Variants in BEND3 observed in about 807,000 individuals in gnomAD.
The protein encoded by BEND3 is BEN domain containing 3.
A neutral mutation model predicts 60.1 loss-of-function variants in BEND3; 13 were observed. The ratio of observed to expected loss-of-function variants is 0.22; its 90% CI spans 0.14 to 0.34. The LOEUF (loss-of-function observed/expected upper bound fraction) is 0.34, where lower values mean the gene tolerates loss of function less well. BEND3 is among the 10% of genes least tolerant of loss of function. The pLI, the probability that BEND3 is intolerant of heterozygous loss-of-function variation, is 1.00. For synonymous variants in BEND3, 497 were observed against 491.5 expected (o/e 1.01, Z -0.15); for missense variants, 896 against 1,138.1 (o/e 0.79, Z 3.06).
At chr6:107,090,319 A>G (rs1415401639) in intron 3 of BEND3, among the ~76,000 whole-genome samples, 1 of 152,038 alleles carries the variant, frequency 6.6e-6, no homozygotes, top group Admixed American at 6.6e-5. Context: ...ACTGCACTCC[A>G]GCCTGGACGA....
intron 1 of BEND3, among the ~76,000 whole-genome samples, chr6:107,106,936 CTT>C (rs35443143): frequency 0.03 from 3,826 of 128,452 alleles, 123 homozygotes; most frequent in African/African-American, 0.1. Flanking sequence ...TCAAAGAGGG[CTT>C]TTTTTTTTTT....
In BEND3 at chr6:107,067,434, G is replaced by A. The variant is rs1774856714; in HGVS notation, c.*1270C>T. 6.6e-6 allele frequency: 1 copy of A among 152,238 alleles called. No homozygotes were observed. The highest frequency in any genetic ancestry group is 1.5e-5 in the Non-Finnish European group (1 of 68,066). The allele number at this position is 152,238 out of a possible 1,614,324, so 9.4% of individuals were successfully genotyped here. ...TGGTGCTCCTGGAGAGCATGCAGCTGGCCTGCAGGAGCCTGACATTCCCAG... is the reference window on the plus strand; with the variant it reads ...TGGTGCTCCTGGAGAGCATGCAGCTAGCCTGCAGGAGCCTGACATTCCCAG... On this transcript the variant is annotated 3_prime_UTR_variant, in exon 4 of 4. Transcript: ENST00000369042.
rs553375060 is a variant in BEND3 at position 107,087,835 on chromosome 6, T to C, written c.240+10716A>G. Among the ~76,000 whole-genome samples the C allele has an allele frequency of 7.3e-5, 11 of 150,422 alleles. No homozygotes were observed. In the East Asian group the frequency reaches 1.4e-3, roughly 19 times the overall value. Reference sequence around the variant, plus strand: ...TTTTTAGAGACAGGGTCTTGCTATGTTGTCCAAGCTGGTCTTAAACTCTGG... The same window carrying C: ...TTTTTAGAGACAGGGTCTTGCTATGCTGTCCAAGCTGGTCTTAAACTCTGG... On this transcript the variant is annotated intron_variant, in intron 3 of 3. Transcript: ENST00000369042.
rs1774859462 is a variant in BEND3 at position 107,067,560 on chromosome 6, C to G, written c.*1144G>C. 6.6e-6 allele frequency: 1 copy of G among 152,148 alleles called. No individual in the cohort carries two copies. The allele number at this position is 152,148 out of a possible 1,614,324, so 9.4% of individuals were successfully genotyped here. The stretch of plus-strand genomic sequence containing the variant: ...TCCAAGAGGAAAGTTCTGAGTGGAC[C>G]CTGGGAAGGGACATGTGTACCCCAT... On this transcript the variant is annotated 3_prime_UTR_variant, in exon 4 of 4. Coordinates refer to ENST00000369042, the MANE Select transcript of BEND3 (RefSeq NM_001367314.1).
Position 107,065,879 on chromosome 6 carries a change from AC to A in BEND3, c.*2824del. 6.6e-6 allele frequency: 1 copy of A among 152,368 alleles called. No individual in the cohort carries two copies. The highest frequency in any genetic ancestry group is 1.5e-5 in the Non-Finnish European group (1 of 68,050). 9.4% of individuals were successfully genotyped at this position (152,368 alleles called of 1,614,324 possible). A position where few individuals can be genotyped will look rare whatever the true frequency, so the allele number is the denominator to read the frequency against. ...CACGCTAGCGCAAATGACACCAGAC[AC>A]GACTTTATTCCCTGTCAAACATTTG... On this transcript the variant is annotated 3_prime_UTR_variant, in exon 4 of 4. Transcript: ENST00000369042.
intron 3 of BEND3, among the ~76,000 whole-genome samples, chr6:107,088,359 G>C (rs1225212271): frequency 2.0e-5 from 3 of 152,108 alleles, no homozygotes; most frequent in Non-Finnish European, 4.4e-5. Flanking sequence ...TACAAAGGGT[G>C]TTACATATAC....
chr6:107,098,538 G>T lies in BEND3; in HGVS notation c.240+13C>A. The stretch of plus-strand genomic sequence containing the variant: ...AGAGCCCAAGCAAAGAGTGACAGCA[G>T]CTAGGCCCTCACCTCGGGGATCAGC... On this transcript the variant is annotated intron_variant, in intron 3 of 3. Coordinates refer to ENST00000369042, the MANE Select transcript of BEND3 (RefSeq NM_001367314.1). The T allele has an allele frequency of 6.2e-7, 1 of 1,610,262 alleles. No individual in the cohort carries two copies.
intron 3 of BEND3, among the ~76,000 whole-genome samples, chr6:107,084,593 A>C (rs1373053847): frequency 1.3e-5 from 2 of 152,042 alleles, no homozygotes; most frequent in Non-Finnish European, 2.9e-5. Context: ...CTCTGTGTCT[A>C]GCTAAAGGAT....
chr6:107,110,849 C>A (rs1227812962), intron 1 of BEND3, among the ~76,000 whole-genome samples: 2 of 151,810 alleles, frequency 1.3e-5, no homozygotes, highest in Non-Finnish European at 2.9e-5. Flanking sequence ...GCCACTGCAC[C>A]CAGTCATTTA....
chr6:107,070,768 C>A lies in BEND3; in HGVS notation c.423G>T (p.Lys141Asn). 1.2e-6 allele frequency: 2 copies of A among 1,614,138 alleles called. No individual in the cohort carries two copies. The highest frequency in any genetic ancestry group is 1.7e-6 in the Non-Finnish European group (2 of 1,180,028). ...LYGISHKIME[K>N]KNPPSGDLLN... Reference sequence around the variant, plus strand: ...GCAGGTCCCCCGAGGGAGGATTCTTCTTCTCCATGATCTTGTGCGAGATGC... The same window carrying A: ...GCAGGTCCCCCGAGGGAGGATTCTTATTCTCCATGATCTTGTGCGAGATGC... The change falls in exon 4 of 4, where the codon AAG (lysine) becomes AAT (asparagine). Residue 141 changes from lysine to asparagine, a missense_variant. Coordinates refer to ENST00000369042, the MANE Select transcript of BEND3 (RefSeq NM_001367314.1). The surrounding 1 kb of genome is among the most constrained non-coding windows in gnomAD (Gnocchi z 6.9).
intron 3 of BEND3, among the ~76,000 whole-genome samples, chr6:107,083,717 G>A (rs1028186179): frequency 1.1e-4 from 17 of 151,804 alleles, no homozygotes; most frequent in Non-Finnish European, 2.2e-4. Context: ...TTTAAATAAT[G>A]TCTCGTTCAA....
At chr6:107,090,352 T>C (rs1554234990) in intron 3 of BEND3, among the ~76,000 whole-genome samples, 1 of 151,774 alleles carries the variant, frequency 6.6e-6, no homozygotes, top group African/African-American at 2.4e-5. Flanking sequence ...CTGTCTCAAG[T>C]AAATAAATAA....
intron 3 of BEND3, among the ~76,000 whole-genome samples, chr6:107,082,137 A>T (rs1482327939): frequency 1.3e-5 from 2 of 152,344 alleles, no homozygotes; most frequent in East Asian, 3.9e-4. Flanking sequence ...TGGATATGTG[A>T]CTTGCTTTGG....
At chr6:107,097,790 CAAAAAAAAAAAAAA>C (rs10674719) in intron 3 of BEND3, among the ~76,000 whole-genome samples, 1 of 53,350 alleles carries the variant, frequency 1.9e-5, no homozygotes, top group Non-Finnish European at 3.2e-5. Context: ...AACTCCGTCT[CAAAAAAAAAAAAAA>C]AAAAAAAAAA....
rs1455828859 is a variant in BEND3, at chr6:107,067,340, T to C, written c.*1364A>G. On this transcript the variant is annotated 3_prime_UTR_variant, in exon 4 of 4. Coordinates refer to ENST00000369042, the MANE Select transcript of BEND3 (RefSeq NM_001367314.1). ...ACTGTTTCCTTTCCCTCTTAAGCAT[T>C]TGGCCCCCAGAGTTAGGTAGGTAAA... 1.3e-5 allele frequency: 2 copies of C among 152,252 alleles called. No homozygotes were observed. Among genetic ancestry groups the C allele is most frequent in the African/African-American group, 4.8e-5 (2 of 41,466 alleles). The allele number at this position is 152,252 out of a possible 1,614,324, so 9.4% of individuals were successfully genotyped here.
At chr6:107,094,760 G>T (rs1223043139) in intron 3 of BEND3, among the ~76,000 whole-genome samples, 1 of 150,640 alleles carries the variant, frequency 6.6e-6, no homozygotes, top group Non-Finnish European at 1.5e-5. Flanking sequence ...GAGTCTGAAA[G>T]AGGAGGATCC....
intron 3 of BEND3, among the ~76,000 whole-genome samples, chr6:107,093,975 C>G (rs1462487045): frequency 2.0e-5 from 3 of 152,130 alleles, no homozygotes; most frequent in African/African-American, 7.2e-5. Context: ...AAAATATTTG[C>G]AAAAGACATA....
intron 1 of BEND3, among the ~76,000 whole-genome samples, chr6:107,102,594 T>C (rs976676504): frequency 1.3e-5 from 2 of 152,236 alleles, no homozygotes. Flanking sequence ...ATTTATAGAC[T>C]AGTGACAGAT....
In BEND3 at chr6:107,070,814, G is replaced by C. The variant is rs978952893; in HGVS notation, c.377C>G (p.Ser126Cys). 4 of 1,614,116 alleles carry C rather than the reference G, an allele frequency of 2.5e-6. No individual in the cohort carries two copies. The highest frequency in any genetic ancestry group is 2.2e-5 in the East Asian group (1 of 44,868). The change falls in exon 4 of 4, where the codon TCC (serine) becomes TGC (cysteine). Residue 126 changes from serine to cysteine, a missense_variant. By Grantham distance (112) the Ser-to-Cys change is moderately radical. Around this residue, in one of 4 missense-constraint regions of BEND3, gnomAD observed 846 missense variants for 1,036.7 expected, o/e 0.82. Transcript: ENST00000369042. The surrounding 1 kb of genome is among the most constrained non-coding windows in gnomAD (Gnocchi z 6.9). ...EEPCNDATTP[S>C]YKKPLYGISH... ...GATGCCATACAGAGGCTTCTTGTAG[G>C]AAGGGGTGGTGGCATCGTTGCAGGG...
Sources: allele counts gnomAD v4.1 joint callset (sites outside exome capture counted in the v4.1 genomes callset), GRCh38; gene constraint gnomAD v4.1.1; regional missense constraint gnomAD v4.1.1; non-coding constraint Gnocchi (gnomAD v3.1); transcripts MANE v1.5; gene names NCBI Gene and HGNC (gene_info 2026-07-23, HGNC 2026-07-21).